FOXJ3: variants seen among roughly 807,000 people sequenced by gnomAD.
The protein encoded by FOXJ3 is forkhead box protein J3.
In FOXJ3, 22 loss-of-function variants were observed where a neutral mutation model predicts 76.1. The ratio of observed to expected loss-of-function variants is 0.29; its 90% CI spans 0.21 to 0.41. FOXJ3 has a LOEUF of 0.41. Ranked by LOEUF, FOXJ3 falls within the 10% of genes least tolerant of loss-of-function variation. The pLI, the probability that FOXJ3 is intolerant of heterozygous loss-of-function variation, is 1.00. For synonymous variants in FOXJ3, 269 were observed against 261.2 expected (o/e 1.03, Z -0.29); for missense variants, 613 against 762.1 (o/e 0.80, Z 2.30).
At chr1:42,259,789 C>T (rs185225176) in intron 4 of FOXJ3, among the ~76,000 whole-genome samples, 2 of 152,280 alleles carry the variant, frequency 1.3e-5, no homozygotes, top group Admixed American at 1.3e-4. Flanking sequence ...CCCTTAATTC[C>T]TGATTCTACC....
intron 5 of FOXJ3, among the ~76,000 whole-genome samples, chr1:42,213,944 T>C (rs1647016862): frequency 6.6e-6 from 1 of 152,216 alleles, no homozygotes; most frequent in Non-Finnish European, 1.5e-5. Context: ...AAATGATATC[T>C]GAAGTGATAA....
At chr1:42,319,742 A>G (rs1267765133) in intron 1 of FOXJ3, among the ~76,000 whole-genome samples, 2 of 152,220 alleles carry the variant, frequency 1.3e-5, no homozygotes, top group Non-Finnish European at 2.9e-5. Flanking sequence ...ATTCTGTCAC[A>G]TTCCTGCTGC....
At chr1:42,258,304 T>C (rs982429889) in intron 4 of FOXJ3, among the ~76,000 whole-genome samples, 2 of 152,208 alleles carry the variant, frequency 1.3e-5, no homozygotes, top group Non-Finnish European at 2.9e-5. Context: ...AGGATGCTGT[T>C]CCTGGTAACT....
At chr1:42,214,565 A>C (rs1647028605) in intron 5 of FOXJ3, among the ~76,000 whole-genome samples, 1 of 152,196 alleles carries the variant, frequency 6.6e-6, no homozygotes, top group Non-Finnish European at 1.5e-5. Context: ...GATAACTATA[A>C]AGTATTATGG....
At chr1:42,234,093 C>A (rs766586518) in intron 4 of FOXJ3, among the ~76,000 whole-genome samples, 4 of 152,108 alleles carry the variant, frequency 2.6e-5, no homozygotes, top group Admixed American at 1.3e-4. Flanking sequence ...AGACTTTGTT[C>A]GTTTCTTTTT....
intron 8 of FOXJ3, among the ~76,000 whole-genome samples, chr1:42,193,399 C>CTTTTTTT (rs542481846): frequency 7.6e-6 from 1 of 132,210 alleles, no homozygotes; most frequent in Non-Finnish European, 1.7e-5. Flanking sequence ...ATCGATGTTC[C>CTTTTTTT]TTTTTTTTTT....
intron 7 of FOXJ3, among the ~76,000 whole-genome samples, chr1:42,197,959 CT>C (rs556505637): frequency 7.4e-5 from 11 of 148,766 alleles, no homozygotes; most frequent in South Asian, 2.1e-4. Context: ...ATTGCTGTAC[CT>C]TTTTTTTTTA....
At chr1:42,279,637 G>A (rs575856427) in intron 2 of FOXJ3, among the ~76,000 whole-genome samples, 1 of 152,174 alleles carries the variant, frequency 6.6e-6, no homozygotes, top group East Asian at 1.9e-4. Context: ...TTGAAGATAA[G>A]AATATAGAAA....
intron 1 of FOXJ3, among the ~76,000 whole-genome samples, chr1:42,330,507 G>A (rs759391095): frequency 1.1e-4 from 17 of 152,174 alleles, no homozygotes; most frequent in Admixed American, 2.0e-4. Context: ...GCATGGTGGC[G>A]CGCACCTGTA....
At chr1:42,219,290 C>T (rs1647132483) in intron 5 of FOXJ3, among the ~76,000 whole-genome samples, 1 of 152,226 alleles carries the variant, frequency 6.6e-6, no homozygotes, top group South Asian at 2.1e-4. Flanking sequence ...ACACTACCAG[C>T]AGCCCTCTTG....
chr1:42,273,661 C>T (rs772170858), intron 3 of FOXJ3, among the ~76,000 whole-genome samples: 5 of 118,370 alleles, frequency 4.2e-5, no homozygotes, highest in Admixed American at 1.1e-4. Context: ...GACAACAGAG[C>T]GACACTCCAT....
intron 2 of FOXJ3, among the ~76,000 whole-genome samples, chr1:42,309,282 T>A (rs1654661385): frequency 6.6e-6 from 1 of 152,078 alleles, no homozygotes; most frequent in South Asian, 2.1e-4. Flanking sequence ...ACTGACCTCC[T>A]CCACTCCTCC....
At chr1:42,333,345 G>A (rs982304822) in intron 1 of FOXJ3, among the ~76,000 whole-genome samples, 2 of 151,656 alleles carry the variant, frequency 1.3e-5, no homozygotes, top group Non-Finnish European at 2.9e-5. Flanking sequence ...GAAACATTAA[G>A]TTTTTTTATT....
Position 42,188,781 on chromosome 1 carries a change from T to G in FOXJ3, c.1601A>C (p.His534Pro). 6.2e-7 allele frequency: 1 copy of G among 1,611,586 alleles called. No individual in the cohort carries two copies. The highest frequency in any genetic ancestry group is 8.5e-7 in the Non-Finnish European group (1 of 1,178,628). ...AGGTTTTGTTGGATGCATGGCACCA[T>G]GACAAACATTTTGTTGAACATTACT... is the stretch of plus-strand genomic sequence containing the variant. ...SQSNVQQNVC[H>P]GAMHPTKPSQ... Residue 534 changes from histidine to proline, a missense_variant, in exon 11 of 13, where the codon CAT (histidine) becomes CCT (proline). Transcript: ENST00000361346.
At chr1:42,240,893 T>C (rs1432704506) in intron 4 of FOXJ3, among the ~76,000 whole-genome samples, 4 of 152,174 alleles carry the variant, frequency 2.6e-5, no homozygotes, top group Non-Finnish European at 4.4e-5. Flanking sequence ...ACAGACACTA[T>C]TAAGAAAGTG....
At chr1:42,195,506 A>G (rs1646634135) in intron 7 of FOXJ3, among the ~76,000 whole-genome samples, 1 of 152,248 alleles carries the variant, frequency 6.6e-6, no homozygotes. Context: ...TACTGTGATT[A>G]CTATGAGTCA....
At chr1:42,207,536 G>C (rs1419587454) in intron 5 of FOXJ3, among the ~76,000 whole-genome samples, 1 of 152,130 alleles carries the variant, frequency 6.6e-6, no homozygotes, top group Non-Finnish European at 1.5e-5. Context: ...ATGTTAAAGA[G>C]GGGCAAACAG....
intron 5 of FOXJ3, among the ~76,000 whole-genome samples, chr1:42,213,779 T>C (rs1024591654): frequency 1.3e-5 from 2 of 152,056 alleles, no homozygotes; most frequent in African/African-American, 4.8e-5. Context: ...AAGCAGAGAA[T>C]AGAATGGTGG....
At chr1:42,217,554 T>G (rs1373856056) in intron 5 of FOXJ3, among the ~76,000 whole-genome samples, 1 of 151,914 alleles carries the variant, frequency 6.6e-6, no homozygotes, top group Admixed American at 6.6e-5. Flanking sequence ...TACAATACCA[T>G]TGAAAAACAA....
Sources: gnomAD v4.1 joint callset for allele counts (sites outside exome capture counted in the v4.1 genomes callset) on GRCh38, gnomAD v4.1.1 for gene constraint, MANE v1.5 for transcripts, NCBI Gene and HGNC (gene_info 2026-07-23, HGNC 2026-07-21) for gene names.